AGMO: variants seen among roughly 807,000 people sequenced by gnomAD.
The protein encoded by AGMO is glyceryl-ether monooxygenase.
Under a neutral mutation model 60.2 loss-of-function variants are expected in AGMO, and 75 were observed. The observed-to-expected ratio is 1.25, with a 90% CI of 1.03 to 1.51. AGMO has a LOEUF of 1.51. Ranked by LOEUF, AGMO falls within the 40% of genes most tolerant of loss-of-function variation. The pLI, the probability that AGMO is intolerant of heterozygous loss-of-function variation, is 0.00. For synonymous variants in AGMO, 261 were observed against 177.1 expected, an observed-to-expected ratio of 1.47 and a Z score of -3.76; for missense variants, 763 against 525.5, an observed-to-expected ratio of 1.45 and a Z score of -4.42.
At chr7:15,338,205 T>C (rs537389440) in intron 12 of AGMO, among the ~76,000 whole-genome samples, 1 of 152,318 alleles carries the variant, frequency 6.6e-6, no homozygotes, top group African/African-American at 2.4e-5. Context: ...CATTTTAAAA[T>C]ATACAACTCA....
intron 3 of AGMO, among the ~76,000 whole-genome samples, chr7:15,503,193 G>T (rs918696546): frequency 6.6e-6 from 1 of 151,998 alleles, no homozygotes; most frequent in Non-Finnish European, 1.5e-5. Context: ...AGCCAGGTTA[G>T]AAGGTACACC....
At chr7:15,224,701 T>C (rs959185710) in intron 12 of AGMO, among the ~76,000 whole-genome samples, 9 of 152,018 alleles carry the variant, frequency 5.9e-5, no homozygotes, top group African/African-American at 2.2e-4. Flanking sequence ...ATCTTTTGTA[T>C]TGTTTGAGCA....
intron 12 of AGMO, among the ~76,000 whole-genome samples, chr7:15,324,133 C>T (rs564681996): frequency 6.6e-6 from 1 of 152,280 alleles, no homozygotes; most frequent in Admixed American, 6.5e-5. Context: ...AGACAATCAT[C>T]AGTATTACTC....
chr7:15,384,210 T>G (rs1783818625), intron 10 of AGMO, among the ~76,000 whole-genome samples: 1 of 152,208 alleles, frequency 6.6e-6, no homozygotes, highest in African/African-American at 2.4e-5. Flanking sequence ...GTGCTGGGAT[T>G]ACAGGCATGA....
intron 10 of AGMO, among the ~76,000 whole-genome samples, chr7:15,369,000 G>A (rs1309171127): frequency 7.2e-5 from 11 of 152,020 alleles, no homozygotes. Flanking sequence ...ATATTCACTA[G>A]TTTTCTTCAT....
intron 12 of AGMO, among the ~76,000 whole-genome samples, chr7:15,360,206 CA>C (rs1205705671): frequency 1.3e-5 from 2 of 152,116 alleles, no homozygotes; most frequent in Admixed American, 6.5e-5. Context: ...CAGAGGTACT[CA>C]AAAATCTGGT....
intron 12 of AGMO, among the ~76,000 whole-genome samples, chr7:15,229,702 T>TTA (rs531008930): frequency 8.6e-5 from 12 of 138,980 alleles, no homozygotes; most frequent in South Asian, 2.2e-4. Flanking sequence ...AACTAATTAT[T>TTA]TATATATATA....
At chr7:15,348,763 T>C (rs1412017891) in intron 12 of AGMO, among the ~76,000 whole-genome samples, 1 of 152,100 alleles carries the variant, frequency 6.6e-6, no homozygotes, top group African/African-American at 2.4e-5. Context: ...CCATTGCAGG[T>C]TGAATTAAGT....
chr7:15,447,153 G>A (rs1184067713), intron 3 of AGMO, among the ~76,000 whole-genome samples: 1 of 152,174 alleles, frequency 6.6e-6, no homozygotes, highest in Non-Finnish European at 1.5e-5. Context: ...AAAAGTCAAA[G>A]TTTCCTCTAT....
At position 15,333,839 on chromosome 7, in the gene AGMO, G is replaced by T. The variant is rs558908376; in HGVS notation, c.1263+31675C>A. On this transcript the variant is annotated intron_variant, in intron 12 of 12. Transcript: ENST00000342526. ...AATAATTGTAGTTTGGTATTTAGTG[G>T]TCATTTTCTTTCATAGTATCCCAAT... Among the ~76,000 whole-genome samples the T allele has an allele frequency of 9.9e-5, 15 of 152,042 alleles. No individual in the cohort carries two copies. In the South Asian group the frequency reaches 3.1e-3, roughly 32 times the overall value.
intron 12 of AGMO, among the ~76,000 whole-genome samples, chr7:15,320,226 C>T (rs550741939): frequency 2.0e-5 from 3 of 151,710 alleles, no homozygotes; most frequent in South Asian, 2.1e-4. Flanking sequence ...CAAACCTGCA[C>T]GTTTTACACA....
At chr7:15,171,106 C>A in the AGMO span, among the ~76,000 whole-genome samples, 2 of 152,174 alleles carry the variant, frequency 1.3e-5, no homozygotes, top group African/African-American at 2.4e-5. Context: ...CTTAGCCTCC[C>A]GAGTAGCTGG....
chr7:15,447,907 T>C (rs1182519051), intron 3 of AGMO, among the ~76,000 whole-genome samples: 2 of 152,196 alleles, frequency 1.3e-5, no homozygotes, highest in African/African-American at 2.4e-5. Context: ...TAAAGAACCA[T>C]GTACCTATAT....
the AGMO span, among the ~76,000 whole-genome samples, chr7:15,159,352 A>G: frequency 6.6e-6 from 1 of 152,188 alleles, no homozygotes; most frequent in African/African-American, 2.4e-5. Context: ...TAAGCTCTAC[A>G]GAAGTGGTAA....
chr7:15,453,917 TATA>T (rs1201847147), intron 3 of AGMO, among the ~76,000 whole-genome samples: 8 of 149,466 alleles, frequency 5.4e-5, no homozygotes, highest in African/African-American at 2.0e-4. Context: ...TTACACAAAA[TATA>T]ATGTTTCATT....
intron 12 of AGMO, among the ~76,000 whole-genome samples, chr7:15,256,614 G>A (rs182181493): frequency 6.6e-6 from 1 of 152,054 alleles, no homozygotes; most frequent in Non-Finnish European, 1.5e-5. Flanking sequence ...CACCCACCTC[G>A]GCCTCCCAAA....
the AGMO span, among the ~76,000 whole-genome samples, chr7:15,180,971 G>A: frequency 1.3e-5 from 2 of 152,042 alleles, no homozygotes; most frequent in African/African-American, 4.8e-5. Flanking sequence ...GATAAAACTG[G>A]GATGAATTTA....
the AGMO span, among the ~76,000 whole-genome samples, chr7:15,142,616 C>A: frequency 6.6e-6 from 1 of 152,118 alleles, no homozygotes; most frequent in Non-Finnish European, 1.5e-5. Context: ...TTACCTAATT[C>A]CTTTATCCTG....
chr7:15,228,928 G>C (rs553130960), intron 12 of AGMO, among the ~76,000 whole-genome samples: 3 of 151,990 alleles, frequency 2.0e-5, no homozygotes, highest in African/African-American at 7.2e-5. Flanking sequence ...TACTGAGTTC[G>C]ACTGCCAGGA....
Sources: allele counts gnomAD v4.1 joint callset (sites outside exome capture counted in the v4.1 genomes callset), GRCh38; gene constraint gnomAD v4.1.1; transcripts MANE v1.5; gene names NCBI Gene and HGNC (gene_info 2026-07-23, HGNC 2026-07-21).